DMD: variants seen among roughly 807,000 people sequenced by gnomAD.
The protein encoded by DMD is mutant dystrophin.
A neutral mutation model predicts 330.1 loss-of-function variants in DMD; 63 were observed. The ratio of observed to expected loss-of-function variants is 0.19; its 90% CI spans 0.16 to 0.24. The LOEUF (loss-of-function observed/expected upper bound fraction) is 0.24. DMD is among the 10% of genes least tolerant of loss of function. DMD has a pLI of 1.00. For synonymous variants in DMD, 1,223 were observed against 959.8 expected, an observed-to-expected ratio of 1.27 and a Z score of -5.07; for missense variants, 3,344 against 2,684.1, an observed-to-expected ratio of 1.25 and a Z score of -5.43.
chrX:31,799,461 GA>G (rs2091967311), intron 50 of DMD, among the ~76,000 whole-genome samples: 2 of 111,088 alleles, frequency 1.8e-5, no homozygotes, highest in African/African-American at 6.6e-5. Flanking sequence ...ACTATCATGA[GA>G]ATAGCATGGG....
At chrX:32,820,552 G>A (rs1206849035) in intron 5 of DMD, among the ~76,000 whole-genome samples, 1 of 112,198 alleles carries the variant, frequency 8.9e-6, no homozygotes, top group Non-Finnish European at 1.9e-5. Flanking sequence ...AGATGGAGTT[G>A]GAAAGGGCTT....
intron 41 of DMD, among the ~76,000 whole-genome samples, chrX:32,333,836 C>T (rs977905312): frequency 8.1e-5 from 9 of 111,731 alleles, no homozygotes; most frequent in African/African-American, 2.9e-4. Context: ...TTGAAAACTT[C>T]TTCCTAGCCA....
intron 1 of DMD, among the ~76,000 whole-genome samples, chrX:33,309,714 C>T (rs2053819888): frequency 1.8e-5 from 2 of 110,654 alleles, no homozygotes; most frequent in Admixed American, 1.9e-4. Flanking sequence ...CACTCATTGG[C>T]CTTTTGTGAA....
chrX:32,182,357 T>C (rs374807072), intron 44 of DMD, among the ~76,000 whole-genome samples: 2 of 112,028 alleles, frequency 1.8e-5, no homozygotes, highest in Admixed American at 1.9e-4. Context: ...TCTACCTAAA[T>C]ACAGAAATAC....
chrX:31,951,325 G>A (rs891363993), intron 45 of DMD, among the ~76,000 whole-genome samples: 1 of 105,771 alleles, frequency 9.5e-6, no homozygotes, highest in African/African-American at 3.4e-5. Flanking sequence ...TCCACTTGTG[G>A]TATTATATCA....
In DMD at chrX:32,790,295, G is replaced by C. The variant is rs544106619; in HGVS notation, c.649+19198C>G. 5.4e-5 allele frequency among the ~76,000 whole-genome samples: 6 copies of C among 112,144 alleles called. No homozygotes were observed. In the South Asian group the frequency reaches 2.2e-3, roughly 42 times the overall value. On this transcript the variant is annotated intron_variant, in intron 7 of 78. Transcript: ENST00000357033. ...CCAGCTGAGATTGGCTAGGAGTCTG[G>C]AGAGGCTCCCTAACATGGGGAGAGA...
intron 44 of DMD, among the ~76,000 whole-genome samples, chrX:32,015,014 C>T (rs2095749161): frequency 8.9e-6 from 1 of 111,869 alleles, no homozygotes; most frequent in African/African-American, 3.3e-5. Flanking sequence ...AACATACTCT[C>T]AAACACATTA....
intron 17 of DMD, among the ~76,000 whole-genome samples, chrX:32,536,082 C>T (rs2047930041): frequency 9.1e-6 from 1 of 109,831 alleles, no homozygotes; most frequent in South Asian, 3.9e-4. Context: ...CTAGCCAACA[C>T]GGTGAAACCC....
Position 31,209,676 on chromosome X carries a change from C to T in DMD, c.9385G>A (p.Ala3129Thr), listed in dbSNP as rs1463122578. ...TTGTGCTGGTCCAAGGCATCACATG[C>T]AGCTGACAGGCTCAAGAGATCCACT... ...LCLDLLSLSA[A>T]CDALDQHNLK... The change falls in exon 65 of 79, where the codon GCA (alanine) becomes ACA (threonine). Residue 3129 changes from alanine (A) to threonine (T), a missense_variant. Ala to Thr is a moderately conservative substitution (Grantham distance 58, BLOSUM62 0). Coordinates refer to ENST00000357033, the MANE Select transcript of DMD (RefSeq NM_004006.3). 1 of 1,209,374 alleles carries T rather than the reference C, an allele frequency of 8.3e-7. No individual in the cohort carries two copies. Among genetic ancestry groups the T allele is most frequent in the African/African-American group, 1.8e-5 (1 of 57,035 alleles).
chrX:33,061,934 A>C (rs1449648700), intron 1 of DMD, among the ~76,000 whole-genome samples: 4 of 111,559 alleles, frequency 3.6e-5, no homozygotes, highest in Non-Finnish European at 7.5e-5. Flanking sequence ...AAGTTTCCCT[A>C]TTCACTTTGC....
At chrX:32,787,074 G>GT (rs755192290) in intron 7 of DMD, among the ~76,000 whole-genome samples, 271 of 111,193 alleles carry the variant, frequency 2.4e-3, no homozygotes, top group African/African-American at 8.6e-3. Context: ...AGAAAACCTA[G>GT]TTATACTTTT....
chrX:31,851,244 T>C (rs1381137490), intron 48 of DMD, among the ~76,000 whole-genome samples: 4 of 110,676 alleles, frequency 3.6e-5, no homozygotes, highest in Admixed American at 9.7e-5. Flanking sequence ...GGTTCTCTCT[T>C]CCCATTTTGA....
chrX:32,875,151 G>A (rs2083282552), intron 2 of DMD, among the ~76,000 whole-genome samples: 1 of 112,280 alleles, frequency 8.9e-6, no homozygotes, highest in Admixed American at 9.4e-5. Context: ...CTGGAATGGA[G>A]GCTCTGCCTT....
chrX:31,726,037 G>C (rs773998040), intron 52 of DMD, among the ~76,000 whole-genome samples: 4 of 111,903 alleles, frequency 3.6e-5, no homozygotes, highest in Non-Finnish European at 7.5e-5. Context: ...AAATGGCCAG[G>C]AATGATTGAC....
At chrX:31,780,627 C>G (rs1484592036) in intron 50 of DMD, among the ~76,000 whole-genome samples, 2 of 112,171 alleles carry the variant, frequency 1.8e-5, no homozygotes, top group South Asian at 3.7e-4. Flanking sequence ...TTCAAGAGAA[C>G]TTCTGAAGAA....
rs1432133572 is a variant in DMD at position 33,211,353 on chromosome X, G to A, written c.-41C>T. On this transcript the variant is annotated 5_prime_UTR_variant, in exon 1 of 79. Transcript: ENST00000357033. ...TCAAGGCAGCGATAAAAAAAACCTG[G>A]TAAAAGTTCTTCAAACTTTATTGCT... 3 of 1,201,468 alleles carry A rather than the reference G, an allele frequency of 2.5e-6. No homozygotes were observed. Among genetic ancestry groups the A allele is most frequent in the Non-Finnish European group, 3.4e-6 (3 of 889,359 alleles).
chrX:31,341,624 G>C (rs1017742820), intron 61 of DMD, among the ~76,000 whole-genome samples: 1 of 111,326 alleles, frequency 9.0e-6, no homozygotes, highest in African/African-American at 3.3e-5. Flanking sequence ...AGATAGACTA[G>C]ACAGTTATTG....
chrX:33,002,412 T>C (rs2093301521), intron 2 of DMD, among the ~76,000 whole-genome samples: 1 of 111,059 alleles, frequency 9.0e-6, no homozygotes, highest in East Asian at 2.9e-4. Context: ...CCAAATACCC[T>C]CTACAGGTTT....
At chrX:32,979,869 T>C (rs1182660225) in intron 2 of DMD, among the ~76,000 whole-genome samples, 1 of 111,375 alleles carries the variant, frequency 9.0e-6, no homozygotes, top group Non-Finnish European at 1.9e-5. Flanking sequence ...ATAGTAGTCC[T>C]GTATTTTAAA....
Sources: gnomAD v4.1 joint callset for allele counts (sites outside exome capture counted in the v4.1 genomes callset) on GRCh38, gnomAD v4.1.1 for gene constraint, MANE v1.5 for transcripts, NCBI Gene and HGNC (gene_info 2026-07-23, HGNC 2026-07-21) for gene names.